The following EEFSEC variants were observed in gnomAD, a reference collection of about 807,000 sequenced individuals.
EEFSEC encodes the protein eukaryotic elongation factor, selenocysteine-tRNA specific.
EEFSEC carries 43 observed loss-of-function variants against 42.1 expected under a neutral mutation model. The ratio of observed to expected loss-of-function variants is 1.02; its 90% CI spans 0.80 to 1.32. EEFSEC has a LOEUF of 1.32. Among genes scored for constraint, EEFSEC ranks in the 40% most tolerant of loss-of-function variants. The pLI is 0.00. For missense variants in EEFSEC, 745 were observed against 803.6 expected, an observed-to-expected ratio of 0.93 and a Z score of 0.88; for synonymous variants, 354 against 339.1, an observed-to-expected ratio of 1.04 and a Z score of -0.48.
At chr3:128,214,176 G>A (rs1346836583) in intron 1 of EEFSEC, among the ~76,000 whole-genome samples, 2 of 152,186 alleles carry the variant, frequency 1.3e-5, no homozygotes, top group Admixed American at 6.5e-5. Flanking sequence ...AAAATGGTTT[G>A]GGAATCCTTT....
chr3:128,329,422 A>G (rs894916177), intron 4 of EEFSEC, among the ~76,000 whole-genome samples: 1 of 127,856 alleles, frequency 7.8e-6, no homozygotes, highest in African/African-American at 3.0e-5. Context: ...ACCCCCCCCC[A>G]CCCCCGCTGA....
At chr3:128,293,682 A>AAC (rs2066672167) in intron 4 of EEFSEC, among the ~76,000 whole-genome samples, 1 of 150,000 alleles carries the variant, frequency 6.7e-6, no homozygotes. Context: ...AAAAAAAAAA[A>AAC]AAAAACTTCC....
intron 4 of EEFSEC, among the ~76,000 whole-genome samples, chr3:128,297,759 T>G (rs1440389754): frequency 2.2e-5 from 1 of 46,104 alleles, no homozygotes; most frequent in African/African-American, 4.9e-5. Context: ...AAATTGAAAA[T>G]ATCAACATGT....
At chr3:128,341,105 C>G in intron 4 of EEFSEC, 128 bp from the exon 5 acceptor site, 3 of 1,156,968 alleles carry the variant, frequency 2.6e-6, no homozygotes, top group Non-Finnish European at 3.6e-6. Flanking sequence ...CCCAGACCCC[C>G]CTTGGCTGGT....
intron 5 of EEFSEC, among the ~76,000 whole-genome samples, chr3:128,356,648 C>T (rs1447883848): frequency 6.6e-6 from 1 of 152,090 alleles, no homozygotes; most frequent in Non-Finnish European, 1.5e-5. Flanking sequence ...TTTCAGTAGC[C>T]AAAGATAGAA....
At chr3:128,329,469 A>G (rs1185974994) in intron 4 of EEFSEC, among the ~76,000 whole-genome samples, 1 of 147,940 alleles carries the variant, frequency 6.8e-6, no homozygotes, top group Non-Finnish European at 1.5e-5. Context: ...AGCTAAAGGC[A>G]TGGCTACATA....
At chr3:128,166,930 G>C (rs1334789279) in intron 1 of EEFSEC, among the ~76,000 whole-genome samples, 1 of 152,138 alleles carries the variant, frequency 6.6e-6, no homozygotes, top group African/African-American at 2.4e-5. Context: ...TATAGGGATA[G>C]AAGAGAGTTT....
chr3:128,247,487 T>C (rs2066140217), intron 2 of EEFSEC, among the ~76,000 whole-genome samples: 1 of 152,216 alleles, frequency 6.6e-6, no homozygotes, highest in Non-Finnish European at 1.5e-5. Flanking sequence ...TACAACTCGA[T>C]TATCAAAAGG....
intron 1 of EEFSEC, among the ~76,000 whole-genome samples, chr3:128,218,493 G>T (rs2065832097): frequency 1.3e-5 from 2 of 152,204 alleles, no homozygotes; most frequent in Non-Finnish European, 2.9e-5. Flanking sequence ...ATGTCTTAGA[G>T]TGGACTACTC....
chr3:128,180,696 C>T (rs2065396476), intron 1 of EEFSEC, among the ~76,000 whole-genome samples: 1 of 152,182 alleles, frequency 6.6e-6, no homozygotes, highest in Non-Finnish European at 1.5e-5. Context: ...TCGATGGGAC[C>T]AGGCAGGCCT....
intron 4 of EEFSEC, among the ~76,000 whole-genome samples, chr3:128,268,276 A>G (rs1265940006): frequency 2.0e-5 from 3 of 152,194 alleles, no homozygotes; most frequent in African/African-American, 7.2e-5. Flanking sequence ...AGGATAGACC[A>G]TATCTAGAGT....
intron 4 of EEFSEC, among the ~76,000 whole-genome samples, chr3:128,319,656 T>C (rs1185635887): frequency 1.3e-5 from 2 of 152,112 alleles, no homozygotes; most frequent in Non-Finnish European, 2.9e-5. Context: ...AACCAGGGGT[T>C]TCCATGCACT....
intron 1 of EEFSEC, among the ~76,000 whole-genome samples, chr3:128,230,775 A>G (rs923418332): frequency 1.3e-5 from 2 of 152,136 alleles, no homozygotes; most frequent in African/African-American, 4.8e-5. Flanking sequence ...AGAATCCAGA[A>G]TGTTCCCTCA....
intron 4 of EEFSEC, among the ~76,000 whole-genome samples, chr3:128,289,485 C>G (rs1459768492): frequency 6.6e-6 from 1 of 152,188 alleles, no homozygotes; most frequent in Non-Finnish European, 1.5e-5. Context: ...GTGAGTAGAC[C>G]TGGGCACACT....
intron 6 of EEFSEC, among the ~76,000 whole-genome samples, chr3:128,406,338 G>A (rs968825950): frequency 6.6e-6 from 1 of 152,202 alleles, no homozygotes; most frequent in African/African-American, 2.4e-5. Flanking sequence ...GGGTAGAAGG[G>A]TGGTTGTGGG....
intron 1 of EEFSEC, among the ~76,000 whole-genome samples, chr3:128,200,202 TGG>T (rs2065629296): frequency 6.6e-6 from 1 of 151,666 alleles, no homozygotes; most frequent in African/African-American, 2.4e-5. Context: ...GCTTTCACTC[TGG>T]ATATATTTAT....
At chr3:128,331,223 TC>T (rs2067127674) in intron 4 of EEFSEC, among the ~76,000 whole-genome samples, 2 of 18,198 alleles carry the variant, frequency 1.1e-4, no homozygotes, top group Non-Finnish European at 2.0e-4. Flanking sequence ...TCCCCTCTTC[TC>T]CCCTTCCTCA....
chr3:128,358,022 C>G (rs1342804551), intron 5 of EEFSEC, among the ~76,000 whole-genome samples, 195 bp from the exon 6 acceptor site: 2 of 152,142 alleles, frequency 1.3e-5, no homozygotes, highest in East Asian at 3.8e-4. Flanking sequence ...TTGCCAGTCT[C>G]AGGTTTCTGC....
At chr3:128,281,560 G>A (rs968880526) in intron 4 of EEFSEC, among the ~76,000 whole-genome samples, 6 of 152,132 alleles carry the variant, frequency 3.9e-5, no homozygotes, top group Non-Finnish European at 8.8e-5. Flanking sequence ...ATCCCAAAAC[G>A]CCAGGCAGTA....
Sources: allele counts gnomAD v4.1 joint callset (sites outside exome capture counted in the v4.1 genomes callset), GRCh38; gene constraint gnomAD v4.1.1; transcripts MANE v1.5; gene names NCBI Gene and HGNC (gene_info 2026-07-23, HGNC 2026-07-21).